OTUD7B: variants seen among roughly 807,000 people sequenced by gnomAD.
OTUD7B encodes OTU deubiquitinase 7B.
A neutral mutation model predicts 82.2 loss-of-function variants in OTUD7B; 34 were observed. That is an observed-to-expected ratio of 0.41 (90% CI 0.31 to 0.55). The LOEUF (loss-of-function observed/expected upper bound fraction) is 0.55, where lower values mean the gene tolerates loss of function less well. Among genes scored for constraint, OTUD7B ranks in the 20% least tolerant of loss-of-function variants. The pLI is 0.20. For synonymous variants in OTUD7B, 398 were observed against 402.7 expected (o/e 0.99, Z 0.14); for missense variants, 944 against 1,062.1 (o/e 0.89, Z 1.55).
the OTUD7B span, among the ~76,000 whole-genome samples, chr1:150,033,612 T>C: frequency 1.3e-5 from 2 of 152,214 alleles, no homozygotes; most frequent in Non-Finnish European, 2.9e-5. Flanking sequence ...AGTTATCATC[T>C]ACTGCTCATT....
chr1:150,025,596 A>G, the OTUD7B span, among the ~76,000 whole-genome samples: 1 of 152,100 alleles, frequency 6.6e-6, no homozygotes, highest in Non-Finnish European at 1.5e-5. Context: ...CTTCTTCCAC[A>G]CCAGAGGGGA....
At chr1:150,021,856 A>G in the OTUD7B span, among the ~76,000 whole-genome samples, 1 of 152,248 alleles carries the variant, frequency 6.6e-6, no homozygotes, top group Non-Finnish European at 1.5e-5. Context: ...GAATGTTAAC[A>G]TTTAAAATTC....
intron 7 of OTUD7B, among the ~76,000 whole-genome samples, chr1:149,951,577 C>G (rs1438688791): frequency 6.6e-6 from 1 of 152,074 alleles, no homozygotes; most frequent in Non-Finnish European, 1.5e-5. Context: ...TCCTGTCATT[C>G]ACATACTCAA....
intron 1 of OTUD7B, among the ~76,000 whole-genome samples, chr1:150,005,569 A>T (rs1571740055): frequency 6.6e-6 from 1 of 152,124 alleles, no homozygotes; most frequent in African/African-American, 2.4e-5. Context: ...GCAGGGATGG[A>T]GAAAAGCAAG....
chr1:150,064,858 A>G, the OTUD7B span, among the ~76,000 whole-genome samples: 1 of 152,156 alleles, frequency 6.6e-6, no homozygotes, highest in African/African-American at 2.4e-5. Context: ...AGTTGGCCAT[A>G]TTGTTATTAT....
chr1:149,950,076 ACTGACTGG>A lies in OTUD7B; in HGVS notation c.973+10_973+17del. Reference sequence around the variant, plus strand: ...AGGGGGTGCTCAGCATGGAGTGAGGACTGACTGGCTGACTCACCTTCCCCTCCGGAGTC... The same window carrying A: ...AGGGGGTGCTCAGCATGGAGTGAGGACTGACTCACCTTCCCCTCCGGAGTC... On this transcript the variant is annotated intron_variant, in intron 8 of 11. Coordinates refer to ENST00000581312, the MANE Select transcript of OTUD7B (RefSeq NM_020205.4). 1 of 1,613,328 alleles carries A rather than the reference ACTGACTGG, an allele frequency of 6.2e-7. No individual in the cohort carries two copies. Among genetic ancestry groups the A allele is most frequent in the East Asian group, 2.2e-5 (1 of 44,884 alleles).
intron 1 of OTUD7B, among the ~76,000 whole-genome samples, chr1:149,996,150 C>G (rs1225250317): frequency 6.6e-6 from 1 of 152,196 alleles, no homozygotes; most frequent in African/African-American, 2.4e-5. Flanking sequence ...CACGAACTTT[C>G]AGGAAGCCAA....
rs1176217232 is a variant in OTUD7B, at chr1:149,943,784, AC to A, written c.*72del. On this transcript the variant is annotated 3_prime_UTR_variant, in exon 12 of 12. Coordinates refer to ENST00000581312, the MANE Select transcript of OTUD7B (RefSeq NM_020205.4). ...CTGCATTTTCCCCCTCAACATGGGGACTGTGTTCTTGATGAGCCAATTAGTT... is the reference window on the plus strand; with the variant it reads ...CTGCATTTTCCCCCTCAACATGGGGATGTGTTCTTGATGAGCCAATTAGTT... 7.0e-7 allele frequency: 1 copy of A among 1,421,772 alleles called. No individual in the cohort carries two copies. Among genetic ancestry groups the A allele is most frequent in the African/African-American group, 1.4e-5 (1 of 71,044 alleles). 88.1% of individuals were successfully genotyped at this position (1,421,772 alleles called of 1,614,324 possible). A position where few individuals can be genotyped will look rare whatever the true frequency, so the allele number is the denominator to read the frequency against.
At chr1:149,999,616 C>T (rs587750769) in intron 1 of OTUD7B, among the ~76,000 whole-genome samples, 1 of 152,242 alleles carries the variant, frequency 6.6e-6, no homozygotes, top group East Asian at 1.9e-4. Flanking sequence ...ATAGTCCCAG[C>T]TACTCACAAG....
chr1:150,043,343 T>C, the OTUD7B span, among the ~76,000 whole-genome samples: 40 of 152,298 alleles, frequency 2.6e-4, 1 homozygote, highest in East Asian at 7.7e-3. Context: ...GAACGTAGGA[T>C]ATTTAGTACT....
Position 149,943,597 on chromosome 1 carries a change from G to A in OTUD7B, c.*260C>T, listed in dbSNP as rs898346457. 1.8e-5 allele frequency: 8 copies of A among 446,444 alleles called. No homozygotes were observed. The highest frequency in any genetic ancestry group is 1.5e-4 in the Admixed American group (4 of 26,366). The allele number at this position is 446,444 out of a possible 1,614,324, so 27.7% of individuals were successfully genotyped here. A position where few individuals can be genotyped will look rare whatever the true frequency, so the allele number is the denominator to read the frequency against. ...ACCCAGGAGGTTATAAGACAGAATC[G>A]CCATCTTTTCCCCTTGTACCTCAAA... On this transcript the variant is annotated 3_prime_UTR_variant, in exon 12 of 12. Coordinates refer to ENST00000581312, the MANE Select transcript of OTUD7B (RefSeq NM_020205.4).
At position 149,991,943 on chromosome 1, in the gene OTUD7B, C is replaced by A. The variant is rs371049522; in HGVS notation, c.-66-14367G>T. On this transcript the variant is annotated intron_variant, in intron 1 of 11. Transcript: ENST00000581312. ...AAAGGAAATCATCTATAAAGTAAAT[C>A]ATGGGGCAGGGCACGGTGGCTCATG... 4.3e-4 allele frequency among the ~76,000 whole-genome samples: 66 copies of A among 152,232 alleles called. 1 individual carries two copies. In the South Asian group the frequency reaches 0.011, roughly 26 times the overall value.
intron 11 of OTUD7B, 47 bp from the exon 12 acceptor site, chr1:149,945,112 G>C (rs1292057038): frequency 6.3e-7 from 1 of 1,575,472 alleles, no homozygotes; most frequent in Middle Eastern, 1.7e-4. Flanking sequence ...GCAGCCTGGG[G>C]TGGGGGAATC....
chr1:149,973,862 T>TC, intron 2 of OTUD7B, among the ~76,000 whole-genome samples: 1 of 148,488 alleles, frequency 6.7e-6, no homozygotes, highest in East Asian at 2.0e-4. Flanking sequence ...CTTCTAATTT[T>TC]TTTTTTTTTT....
rs192512906 is a variant in OTUD7B, at chr1:150,005,491, G to T, written c.-67+4957C>A. ...GAAATACTACAATCTCCTGACTCAA[G>T]AAGTAAATAATAATCCTGTGCTCGT... is the stretch of plus-strand genomic sequence containing the variant. On this transcript the variant is annotated intron_variant, in intron 1 of 11. Coordinates refer to ENST00000581312, the MANE Select transcript of OTUD7B (RefSeq NM_020205.4). Among the ~76,000 whole-genome samples, 206 of 151,794 alleles carry T rather than the reference G, an allele frequency of 1.4e-3. 2 individuals carry two copies. The highest frequency in any genetic ancestry group is 5.9e-5 in the Non-Finnish European group (4 of 68,018).
the OTUD7B span, among the ~76,000 whole-genome samples, chr1:150,031,758 C>G: frequency 6.6e-6 from 1 of 152,154 alleles, no homozygotes; most frequent in Non-Finnish European, 1.5e-5. Context: ...TCAGCTTTAT[C>G]ATCTGTAAAG....
At chr1:150,013,961 C>T (rs1200949581), upstream of OTUD7B, among the ~76,000 whole-genome samples, 1 of 132,222 alleles carries the variant, frequency 7.6e-6, no homozygotes, top group African/African-American at 2.7e-5. Context: ...CACACACACA[C>T]ACACACACAC....
intron 1 of OTUD7B, among the ~76,000 whole-genome samples, chr1:150,008,361 T>C (rs1421941226): frequency 6.6e-6 from 1 of 152,206 alleles, no homozygotes; most frequent in Non-Finnish European, 1.5e-5. Flanking sequence ...TTTTTAAAAA[T>C]TAGATTTTCG....
At chr1:150,022,007 T>A in the OTUD7B span, among the ~76,000 whole-genome samples, 2 of 152,248 alleles carry the variant, frequency 1.3e-5, no homozygotes, top group Admixed American at 1.3e-4. Context: ...CCTTAATCAT[T>A]CTTCCTGCTT....
Sources: allele counts gnomAD v4.1 joint callset (sites outside exome capture counted in the v4.1 genomes callset), GRCh38; gene constraint gnomAD v4.1.1; transcripts MANE v1.5; gene names NCBI Gene and HGNC (gene_info 2026-07-23, HGNC 2026-07-21).